The following LRP1B variants were observed in gnomAD, a reference collection of about 807,000 sequenced individuals.
The protein encoded by LRP1B is low-density lipoprotein receptor-related protein 1B.
LRP1B carries 217 observed loss-of-function variants against 556.6 expected under a neutral mutation model. That is an observed-to-expected ratio of 0.39 (90% CI 0.35 to 0.44). LRP1B has a LOEUF of 0.44. LRP1B is among the 20% of genes least tolerant of loss of function. The pLI, the probability that LRP1B is intolerant of heterozygous loss-of-function variation, is 1.00. For synonymous variants in LRP1B, 2,047 were observed against 1,865.8 expected (o/e 1.10, Z -2.50); for missense variants, 5,053 against 5,620.8 (o/e 0.90, Z 3.23).
intron 66 of LRP1B, among the ~76,000 whole-genome samples, chr2:140,420,193 C>A (rs1281796738): frequency 6.6e-6 from 1 of 150,648 alleles, no homozygotes; most frequent in Admixed American, 6.6e-5. Flanking sequence ...AAAAAAAGTG[C>A]AATGGTTAAT....
At chr2:140,497,586 G>A (rs998314718) in intron 55 of LRP1B, among the ~76,000 whole-genome samples, 3 of 151,908 alleles carry the variant, frequency 2.0e-5, no homozygotes, top group African/African-American at 4.8e-5. Flanking sequence ...TAAGCCAAGT[G>A]ATTGTGTAGT....
chr2:141,174,087 A>C (rs1680629219), intron 7 of LRP1B, among the ~76,000 whole-genome samples: 1 of 152,106 alleles, frequency 6.6e-6, no homozygotes, highest in Admixed American at 6.6e-5. Context: ...CAAAAGAAAA[A>C]AAAAGATAAA....
intron 2 of LRP1B, among the ~76,000 whole-genome samples, chr2:141,770,639 G>C (rs543718552): frequency 1.3e-5 from 2 of 152,080 alleles, no homozygotes; most frequent in Admixed American, 6.5e-5. Flanking sequence ...TTTTAGTATT[G>C]TGCTATTATT....
chr2:141,269,405 T>C (rs924210199), intron 3 of LRP1B, among the ~76,000 whole-genome samples: 1 of 152,128 alleles, frequency 6.6e-6, no homozygotes, highest in African/African-American at 2.4e-5. Flanking sequence ...TTTAAACTAA[T>C]AGAACAATCA....
chr2:140,496,886 G>C (rs999181858), intron 55 of LRP1B, among the ~76,000 whole-genome samples: 2 of 147,814 alleles, frequency 1.4e-5, no homozygotes, highest in Non-Finnish European at 3.0e-5. Flanking sequence ...TTCATAATTT[G>C]GATAAAATTT....
chr2:141,373,980 A>G (rs1205938524), intron 3 of LRP1B, among the ~76,000 whole-genome samples: 2 of 151,724 alleles, frequency 1.3e-5, no homozygotes, highest in Non-Finnish European at 2.9e-5. Context: ...TGTTTTTGTG[A>G]TGGTGAATTT....
chr2:141,225,838 A>G (rs1683225135), intron 6 of LRP1B, among the ~76,000 whole-genome samples: 1 of 152,130 alleles, frequency 6.6e-6, no homozygotes, highest in Non-Finnish European at 1.5e-5. Flanking sequence ...AGGCCACATC[A>G]GAATCATTGG....
chr2:141,045,370 T>G (rs1216805131), intron 11 of LRP1B, among the ~76,000 whole-genome samples: 1 of 151,402 alleles, frequency 6.6e-6, no homozygotes, highest in East Asian at 2.0e-4. Context: ...TGTATACATA[T>G]GTAACTAACC....
chr2:141,288,806 T>C (rs995615817), intron 3 of LRP1B, among the ~76,000 whole-genome samples: 1 of 152,196 alleles, frequency 6.6e-6, no homozygotes, highest in African/African-American at 2.4e-5. Context: ...GTTTGTATTC[T>C]TATGGTCTGC....
chr2:142,112,997 C>A (rs535065852), intron 1 of LRP1B, among the ~76,000 whole-genome samples: 20 of 152,170 alleles, frequency 1.3e-4, no homozygotes, highest in African/African-American at 4.8e-4. Flanking sequence ...TGGTACTTAA[C>A]CACCAGAAAG....
intron 1 of LRP1B, among the ~76,000 whole-genome samples, chr2:141,944,052 TTCTCCCA>T (rs1700889327): frequency 1.3e-5 from 2 of 152,136 alleles, no homozygotes; most frequent in Admixed American, 6.5e-5. Context: ...CTCCACCCTG[TTCTCCCA>T]GTGCGCAGAT....
intron 7 of LRP1B, among the ~76,000 whole-genome samples, chr2:141,161,836 AC>A (rs1680047334): frequency 6.6e-6 from 1 of 151,978 alleles, no homozygotes; most frequent in Non-Finnish European, 1.5e-5. Context: ...ACCTGTGTCT[AC>A]CCCTACGTTG....
At chr2:140,743,991 AGT>A (rs151217941) in intron 35 of LRP1B, among the ~76,000 whole-genome samples, 11,747 of 18,090 alleles carry the variant, frequency 0.65, 4,401 homozygotes, top group South Asian at 0.77. Context: ...AAAAAAAAAA[AGT>A]AAAAAGTAAA....
chr2:141,107,266 T>G (rs757089534), intron 7 of LRP1B, among the ~76,000 whole-genome samples: 46 of 152,198 alleles, frequency 3.0e-4, no homozygotes, highest in Non-Finnish European at 5.3e-4. Flanking sequence ...TGCAGTTATA[T>G]TTATAGGGTG....
intron 1 of LRP1B, among the ~76,000 whole-genome samples, chr2:142,127,972 T>A (rs144139761): frequency 2.0e-5 from 3 of 152,222 alleles, no homozygotes; most frequent in African/African-American, 7.2e-5. Flanking sequence ...GTGAATCTGA[T>A]TTATCTTCCA....
chr2:141,663,948 A>C (rs1690324771), intron 2 of LRP1B, among the ~76,000 whole-genome samples: 1 of 151,952 alleles, frequency 6.6e-6, no homozygotes, highest in Non-Finnish European at 1.5e-5. Context: ...AAAAACACAA[A>C]ACTTCAGGCT....
chr2:140,351,309 A>C (rs144244865), intron 76 of LRP1B, among the ~76,000 whole-genome samples: 68 of 152,080 alleles, frequency 4.5e-4, no homozygotes, highest in African/African-American at 1.6e-3. Flanking sequence ...TCCTTTTATG[A>C]AGAGAGATTA....
At chr2:141,811,531 G>T (rs574711302) in intron 1 of LRP1B, among the ~76,000 whole-genome samples, 1 of 151,484 alleles carries the variant, frequency 6.6e-6, no homozygotes, top group Non-Finnish European at 1.5e-5. Flanking sequence ...ACTTCCCTCC[G>T]CCTGATACCA....
chr2:140,328,434 A>G (rs1025905215), intron 79 of LRP1B, among the ~76,000 whole-genome samples: 3 of 151,704 alleles, frequency 2.0e-5, no homozygotes, highest in African/African-American at 7.3e-5. Context: ...TCTAAGATCT[A>G]CTAGTTCCCC....
Sources: gnomAD v4.1 joint callset for allele counts (sites outside exome capture counted in the v4.1 genomes callset) on GRCh38, gnomAD v4.1.1 for gene constraint, MANE v1.5 for transcripts, NCBI Gene and HGNC (gene_info 2026-07-23, HGNC 2026-07-21) for gene names.